TFAP4: variants seen among roughly 807,000 people sequenced by gnomAD.
The protein encoded by TFAP4 is transcription factor AP-4.
In TFAP4, 7 loss-of-function variants were observed where a neutral mutation model predicts 40.4. The observed-to-expected ratio is 0.17, with a 90% CI of 0.10 to 0.33. The LOEUF (loss-of-function observed/expected upper bound fraction) is 0.33, where lower values mean the gene tolerates loss of function less well. TFAP4 is among the 10% of genes least tolerant of loss of function. The pLI, the probability that TFAP4 is intolerant of heterozygous loss-of-function variation, is 1.00. For missense variants in TFAP4, 374 were observed against 451.1 expected (o/e 0.83, Z 1.55); for synonymous variants, 218 against 181.4 (o/e 1.20, Z -1.62).
At position 4,260,577 on chromosome 16, in the gene TFAP4, G is replaced by C; in HGVS notation, c.544C>G (p.His182Asp). 6.2e-7 allele frequency: 1 copy of C among 1,607,946 alleles called. No individual in the cohort carries two copies. The highest frequency in any genetic ancestry group is 8.5e-7 in the Non-Finnish European group (1 of 1,177,772). ...LEEQVRSLEA[H>D]MYPEKLKVIA... Reference sequence around the variant, plus strand: ...ACCTTGAGCTTTTCCGGGTACATGTGGGCCTCCAGCGAGCGCACCTGGAGG... The same window carrying C: ...ACCTTGAGCTTTTCCGGGTACATGTCGGCCTCCAGCGAGCGCACCTGGAGG... The change falls in exon 5 of 7, where the codon CAC becomes GAC. Residue 182 changes from histidine to aspartate, a missense_variant. By Grantham distance (81) the His-to-Asp change is moderately conservative. Coordinates refer to ENST00000204517, the MANE Select transcript of TFAP4 (RefSeq NM_003223.3).
In TFAP4 at chr16:4,261,816, T is replaced by G; in HGVS notation, c.488A>C (p.Asp163Ala). 2 of 1,612,584 alleles carry G rather than the reference T, an allele frequency of 1.2e-6. No individual in the cohort carries two copies. The highest frequency in any genetic ancestry group is 1.7e-6 in the Non-Finnish European group (2 of 1,179,494). ...REMIELRQQL[D>A]KERSVRMMLE... ...CATCATGCGCACCGAGCGCTCCTTG[T>G]CCAGCTGCTGCCGCAGCTCAATCAT... Residue 163 changes from aspartate (D) to alanine (A), a missense_variant, in exon 4 of 7, where the codon GAC becomes GCC. Physicochemically the swap from Asp to Ala is moderately radical, Grantham distance 126 (BLOSUM62 -2). This residue lies in a region of TFAP4 where 161 missense variants were observed against 154.2 expected (regional missense o/e 1.04). Coordinates refer to ENST00000204517, the MANE Select transcript of TFAP4 (RefSeq NM_003223.3).
rs202167502 is a variant in TFAP4 at position 4,261,968 on chromosome 16, C to T, written c.355-19G>A. 2.5e-5 allele frequency: 40 copies of T among 1,587,644 alleles called. No individual in the cohort carries two copies. Among genetic ancestry groups the T allele is most frequent in the Non-Finnish European group, 2.5e-5 (29 of 1,169,534 alleles). On this transcript the variant is annotated intron_variant, in intron 3 of 6. Transcript: ENST00000204517. ...TCAGCTCCTGGGGACCCCAAGGAGT[C>T]GGTCAGTGTGCCTGACACCTCGGTA...
In TFAP4 at chr16:4,261,436, C is replaced by T. The variant is rs531244278; in HGVS notation, c.525+343G>A. ...CGGGGACTACAGGCACCCACCACCA[C>T]GCCCGGCTAATTTTTTTTTTTTTTG... On this transcript the variant is annotated intron_variant, in intron 4 of 6. Transcript: ENST00000204517. Among the ~76,000 whole-genome samples, 4 of 148,526 alleles carry T rather than the reference C, an allele frequency of 2.7e-5. No homozygotes were observed. In the South Asian group the frequency reaches 6.3e-4, roughly 24 times the overall value.
At chr16:4,261,504 G>GT (rs1274156985) in intron 4 of TFAP4, among the ~76,000 whole-genome samples, 2 of 151,706 alleles carry the variant, frequency 1.3e-5, no homozygotes, top group East Asian at 3.9e-4. Flanking sequence ...AGCCAGGATG[G>GT]TATCGATCTG....
At chr16:4,268,525 A>G (rs1222256924) in intron 1 of TFAP4, among the ~76,000 whole-genome samples, 1 of 152,080 alleles carries the variant, frequency 6.6e-6, no homozygotes, top group East Asian at 1.9e-4. Context: ...AAACACTCCA[A>G]AGCCTTCAAT....
In TFAP4 at chr16:4,258,027, A is replaced by G. The variant is rs770388696; in HGVS notation, c.*28T>C. The G allele has an allele frequency of 1.4e-5, 22 of 1,598,680 alleles. No homozygotes were observed. In the East Asian group the frequency reaches 5.0e-4, roughly 36 times the overall value. ...GCTGCCCCGGCTCCCTCCAGCCCCCAGAAGGGAGAGGAGGGCTGGGGGGGT... is the reference window on the plus strand; with the variant it reads ...GCTGCCCCGGCTCCCTCCAGCCCCCGGAAGGGAGAGGAGGGCTGGGGGGGT... On this transcript the variant is annotated 3_prime_UTR_variant, in exon 7 of 7. Coordinates refer to ENST00000204517, the MANE Select transcript of TFAP4 (RefSeq NM_003223.3).
chr16:4,272,568 G>C, intron 1 of TFAP4, 90 bp downstream of exon 1: 2 of 987,334 alleles, frequency 2.0e-6, no homozygotes, highest in Admixed American at 6.4e-5. Context: ...CGGCGGCGCG[G>C]GCCATGCGTG....
chr16:4,267,207 T>C (rs1164492072), intron 1 of TFAP4: 1 of 152,368 alleles, frequency 6.6e-6, no homozygotes, highest in Non-Finnish European at 1.5e-5. Context: ...CTAATTTTTG[T>C]ATTTTTAGTA....
intron 1 of TFAP4, among the ~76,000 whole-genome samples, chr16:4,267,687 A>C (rs1039933624): frequency 2.0e-5 from 3 of 152,204 alleles, no homozygotes; most frequent in African/African-American, 7.2e-5. Flanking sequence ...CTTTCATTTC[A>C]CACTGCCCTG....
In TFAP4 at chr16:4,258,340, C is replaced by A. The variant is rs1445820679; in HGVS notation, c.823-91G>T. ...GGCTCTCAGCCAGCCACTGTCACCC[C>A]CAAAACACATAGCCCAGAAAAAAGC... On this transcript the variant is annotated intron_variant, in intron 6 of 6. Coordinates refer to ENST00000204517, the MANE Select transcript of TFAP4 (RefSeq NM_003223.3). The A allele has an allele frequency of 2.3e-6, 3 of 1,284,152 alleles. No homozygotes were observed. In the East Asian group the frequency reaches 7.3e-5, roughly 31 times the overall value. The allele number at this position is 1,284,152 out of a possible 1,614,324, so 79.5% of individuals were successfully genotyped here.
At chr16:4,270,964 G>C (rs2053035478) in intron 1 of TFAP4, among the ~76,000 whole-genome samples, 1 of 152,248 alleles carries the variant, frequency 6.6e-6, no homozygotes, top group Non-Finnish European at 1.5e-5. Flanking sequence ...GGAATCAAAA[G>C]ACACTTTTGA....
intron 1 of TFAP4, among the ~76,000 whole-genome samples, chr16:4,270,055 C>G (rs2053029213): frequency 6.6e-6 from 1 of 152,012 alleles, no homozygotes; most frequent in South Asian, 2.1e-4. Flanking sequence ...CATGCTGACA[C>G]ATGCCTGTAA....
Position 4,260,180 on chromosome 16 carries a change from G to A in TFAP4, c.732C>T (p.Pro244=). The A allele has an allele frequency of 6.3e-7, 1 of 1,595,586 alleles. No homozygotes were observed. The highest frequency in any genetic ancestry group is 1.7e-4 in the Middle Eastern group (1 of 5,898). The change falls in exon 6 of 7, where the codon CCC becomes CCT. Residue 244 remains proline (P), a synonymous_variant. Coordinates refer to ENST00000204517, the MANE Select transcript of TFAP4 (RefSeq NM_003223.3). The part of the protein sequence containing the change: ...TVIVPAPPPP[P]SHHINVVTMG... ...TGGTGACGACATTGATGTGGTGGGA[G>A]GGAGGAGGAGGCGGTGCTGGCACGA...
chr16:4,262,602 G>A lies in TFAP4; in HGVS notation c.189C>T (p.Ser63=). The A allele has an allele frequency of 6.2e-7, 1 of 1,612,298 alleles. No homozygotes were observed. The highest frequency in any genetic ancestry group is 8.5e-7 in the Non-Finnish European group (1 of 1,180,020). The change falls in exon 2 of 7, where the codon AGC becomes AGT. Residue 63 remains serine (S), a synonymous_variant. Coordinates refer to ENST00000204517, the MANE Select transcript of TFAP4 (RefSeq NM_003223.3). ...TGAGGGACTGGAATCCCGCGTTGAT[G>A]CTCTGCATGCGTCTCCGCTCGTTGC... ...ANSNERRRMQ[S]INAGFQSLKT... is the part of the protein sequence containing the mutation.
intron 5 of TFAP4, 80 bp from the exon 6 acceptor site, chr16:4,260,325 T>C (rs2052935528): frequency 1.3e-6 from 2 of 1,507,740 alleles, no homozygotes; most frequent in Admixed American, 2.3e-5. Context: ...AGCTGGCCAA[T>C]GTATAACTGC....
intron 1 of TFAP4, among the ~76,000 whole-genome samples, chr16:4,269,108 G>C (rs943682320): frequency 6.6e-6 from 1 of 151,988 alleles, no homozygotes; most frequent in African/African-American, 2.4e-5. Context: ...GGCTGGTCTC[G>C]AACTCCTGGG....
intron 1 of TFAP4, chr16:4,264,244 C>G (rs2052972450): frequency 6.5e-6 from 1 of 152,732 alleles, no homozygotes; most frequent in South Asian, 2.1e-4. Context: ...TGCACGGACC[C>G]CGGAGGCAGC....
At chr16:4,262,904 C>G in intron 1 of TFAP4, 1 of 598,112 alleles carries the variant, frequency 1.7e-6, no homozygotes, top group East Asian at 2.9e-5. Context: ...AGAACCCACC[C>G]CGGGCCAGGC....
intron 1 of TFAP4, among the ~76,000 whole-genome samples, chr16:4,271,067 A>G (rs2053036210): frequency 6.6e-6 from 1 of 152,264 alleles, no homozygotes; most frequent in African/African-American, 2.4e-5. Flanking sequence ...TTTACTTATT[A>G]TTACTGGGCC....
Sources: gnomAD v4.1 joint callset for allele counts (sites outside exome capture counted in the v4.1 genomes callset) on GRCh38, gnomAD v4.1.1 for gene constraint, gnomAD v4.1.1 regional missense constraint, MANE v1.5 for transcripts, NCBI Gene and HGNC (gene_info 2026-07-23, HGNC 2026-07-21) for gene names.